Variants in SLC25A21 observed in about 807,000 individuals in gnomAD.
The protein encoded by SLC25A21 is mitochondrial 2-oxodicarboxylate carrier.
A neutral mutation model predicts 43.8 loss-of-function variants in SLC25A21; 47 were observed. The observed-to-expected ratio is 1.07, with a 90% confidence interval of 0.85 to 1.37. SLC25A21 has a LOEUF of 1.37. Among genes scored for constraint, SLC25A21 ranks in the 40% most tolerant of loss-of-function variants. The pLI is 0.00. For missense variants in SLC25A21, 352 were observed against 350.2 expected (o/e 1.00, Z -0.04); for synonymous variants, 131 against 121.3 (o/e 1.08, Z -0.52).
Position 36,883,060 on chromosome 14 carries a change from A to G in SLC25A21, c.71-8056T>C, listed in dbSNP as rs142968099. Among the ~76,000 whole-genome samples the G allele has an allele frequency of 2.2e-3, 337 of 151,898 alleles. 2 individuals are homozygous for G. Among genetic ancestry groups the G allele is most frequent in the African/African-American group, 7.6e-3 (316 of 41,416 alleles). ...GCCCTTTACAGGTATCCCTCCATCT[A>G]CCTTTGACCTCTCCCATCTGTTCTC... is the stretch of plus-strand genomic sequence containing the variant. On this transcript the variant is annotated intron_variant, in intron 1 of 9. Transcript: ENST00000331299.
chr14:36,689,818 A>G (rs535912499), intron 7 of SLC25A21, among the ~76,000 whole-genome samples: 1 of 152,354 alleles, frequency 6.6e-6, no homozygotes, highest in South Asian at 2.1e-4. Context: ...ATTCTGATGG[A>G]TGGTAAAGTC....
chr14:36,771,683 G>A (rs1046757793), intron 3 of SLC25A21, among the ~76,000 whole-genome samples: 1 of 150,896 alleles, frequency 6.6e-6, no homozygotes, highest in African/African-American at 2.4e-5. Flanking sequence ...TCCCAGACAA[G>A]CAAAATTTCA....
chr14:37,065,020 T>G (rs1218515133), intron 1 of SLC25A21, among the ~76,000 whole-genome samples: 1 of 152,196 alleles, frequency 6.6e-6, no homozygotes, highest in East Asian at 1.9e-4. Flanking sequence ...TATGGTCTAT[T>G]TGGAAAAGAC....
chr14:37,044,659 GC>G (rs1961550053), intron 1 of SLC25A21, among the ~76,000 whole-genome samples: 1 of 152,086 alleles, frequency 6.6e-6, no homozygotes, highest in South Asian at 2.1e-4. Flanking sequence ...ACATTATTGG[GC>G]TTTCTTAAGG....
At chr14:37,167,996 C>A (rs1396193142) in intron 1 of SLC25A21, among the ~76,000 whole-genome samples, 1 of 152,124 alleles carries the variant, frequency 6.6e-6, no homozygotes, top group African/African-American at 2.4e-5. Flanking sequence ...TTCTCTATTG[C>A]AATTCTCTTG....
At chr14:36,957,476 T>C (rs996696205) in intron 1 of SLC25A21, among the ~76,000 whole-genome samples, 1 of 152,188 alleles carries the variant, frequency 6.6e-6, no homozygotes, top group African/African-American at 2.4e-5. Context: ...ATCTATAACA[T>C]AAGTGGGTTG....
At chr14:37,019,280 G>T (rs992295342) in intron 1 of SLC25A21, among the ~76,000 whole-genome samples, 5 of 151,744 alleles carry the variant, frequency 3.3e-5, no homozygotes, top group African/African-American at 1.2e-4. Flanking sequence ...AACTTTGTAT[G>T]TGCTTCTCTG....
intron 1 of SLC25A21, among the ~76,000 whole-genome samples, chr14:37,075,226 T>C (rs376173308): frequency 1.9e-3 from 291 of 152,246 alleles, no homozygotes; most frequent in African/African-American, 6.4e-3. Flanking sequence ...TTCCCCTTTC[T>C]TTCTCTGATT....
chr14:37,054,917 A>G (rs945834111), intron 1 of SLC25A21, among the ~76,000 whole-genome samples: 1 of 152,244 alleles, frequency 6.6e-6, no homozygotes, highest in Non-Finnish European at 1.5e-5. Flanking sequence ...CAGAGTGAGA[A>G]AAAAATGCAC....
At chr14:36,957,731 T>C (rs1258059197) in intron 1 of SLC25A21, among the ~76,000 whole-genome samples, 2 of 152,194 alleles carry the variant, frequency 1.3e-5, no homozygotes, top group African/African-American at 4.8e-5. Flanking sequence ...ATATTTTTGA[T>C]GAGAAAAAAG....
At chr14:36,842,593 T>C (rs1171045560) in intron 2 of SLC25A21, among the ~76,000 whole-genome samples, 2 of 152,192 alleles carry the variant, frequency 1.3e-5, no homozygotes, top group African/African-American at 4.8e-5. Context: ...GAGTTGCCTA[T>C]TATTTGCAGT....
chr14:37,066,635 G>A (rs1467512291), intron 1 of SLC25A21, among the ~76,000 whole-genome samples: 1 of 152,092 alleles, frequency 6.6e-6, no homozygotes, highest in South Asian at 2.1e-4. Context: ...CATGATGTAT[G>A]TAATTTACAA....
At chr14:36,988,958 G>A (rs910327954) in intron 1 of SLC25A21, among the ~76,000 whole-genome samples, 3 of 152,232 alleles carry the variant, frequency 2.0e-5, no homozygotes, top group African/African-American at 7.2e-5. Context: ...ATATCTTTAA[G>A]AGGTTTAGTA....
chr14:36,815,998 T>C (rs941631163), intron 2 of SLC25A21, among the ~76,000 whole-genome samples: 1 of 152,228 alleles, frequency 6.6e-6, no homozygotes, highest in Non-Finnish European at 1.5e-5. Flanking sequence ...CTAGAAATAA[T>C]ATATTTTATA....
Position 37,172,330 on chromosome 14 carries a change from G to A in SLC25A21, c.21C>T (p.Val7=). 6.2e-7 allele frequency: 1 copy of A among 1,603,052 alleles called. No individual in the cohort carries two copies. The highest frequency in any genetic ancestry group is 1.1e-5 in the South Asian group (1 of 88,724). Residue 7 remains valine (V), a synonymous_variant, in exon 1 of 10, where the codon GTC becomes GTT. Transcript: ENST00000331299. ...GCCGAGAAGCCTCGCGCACTAAGCT[G>A]ACTTCAGGCTTGGCGGACATCTTCG... MSAKPE[V]SLVREASRQI...
At chr14:36,859,897 T>C (rs1341139474) in intron 2 of SLC25A21, among the ~76,000 whole-genome samples, 3 of 152,176 alleles carry the variant, frequency 2.0e-5, no homozygotes, top group Non-Finnish European at 4.4e-5. Context: ...GCTGTGCCCA[T>C]TTTTAAATGA....
At chr14:36,835,822 GA>G (rs1889190271) in intron 2 of SLC25A21, among the ~76,000 whole-genome samples, 1 of 152,178 alleles carries the variant, frequency 6.6e-6, no homozygotes, top group Admixed American at 6.5e-5. Flanking sequence ...TTCCTTCTCA[GA>G]GGGCCAGCTT....
At position 36,936,596 on chromosome 14, in the gene SLC25A21, G is replaced by C. The variant is rs561148588; in HGVS notation, c.71-61592C>G. ...TGGAAATCACCTAAAGGTTCTCTGG[G>C]AGCCCCTTCCACAGTTCTGTTCAAA... On this transcript the variant is annotated intron_variant, in intron 1 of 9. Coordinates refer to ENST00000331299, the MANE Select transcript of SLC25A21 (RefSeq NM_030631.4). Among the ~76,000 whole-genome samples, 268 of 152,236 alleles carry C rather than the reference G, an allele frequency of 1.8e-3. 3 individuals are homozygous for C. Among genetic ancestry groups the C allele is most frequent in the Non-Finnish European group, 3.1e-3 (214 of 67,998 alleles).
intron 1 of SLC25A21, among the ~76,000 whole-genome samples, chr14:37,016,999 TC>T (rs1406323206): frequency 1.2e-4 from 19 of 152,216 alleles, no homozygotes; most frequent in African/African-American, 4.6e-4. Context: ...TGATCTTCTA[TC>T]CAGACTACTA....
Sources: gnomAD v4.1 joint callset for allele counts (sites outside exome capture counted in the v4.1 genomes callset) on GRCh38, gnomAD v4.1.1 for gene constraint, MANE v1.5 for transcripts, NCBI Gene and HGNC (gene_info 2026-07-23, HGNC 2026-07-21) for gene names.